HYDIN: variants seen among roughly 807,000 people sequenced by gnomAD.
HYDIN encodes HYDIN axonemal central pair apparatus protein, also known as axonemal central pair apparatus protein HYDIN.
HYDIN carries 132 observed loss-of-function variants against 403.9 expected under a neutral mutation model. The ratio of observed to expected loss-of-function variants is 0.33; its 90% CI spans 0.28 to 0.38. The LOEUF (loss-of-function observed/expected upper bound fraction) is 0.38, where lower values mean the gene tolerates loss of function less well. Among genes scored for constraint, HYDIN ranks in the 10% least tolerant of loss-of-function variants. The probability of loss-of-function intolerance (pLI) is 1.00; values close to 1 mark genes in which losing one functional copy is unlikely to be tolerated. For synonymous variants in HYDIN, 1,202 were observed against 1,891.7 expected (o/e 0.64, Z 9.46); for missense variants, 2,827 against 5,009.5 (o/e 0.56, Z 13.15).
chr16:71,162,200 A>C (rs908981982), intron 6 of HYDIN, among the ~76,000 whole-genome samples: 2 of 151,444 alleles, frequency 1.3e-5, no homozygotes, highest in Non-Finnish European at 2.9e-5. Flanking sequence ...ACAGAAAACT[A>C]ATCAAGCCAG....
intron 40 of HYDIN, 53 bp downstream of exon 40, chr16:70,955,322 C>T: frequency 5.9e-6 from 7 of 1,187,922 alleles, no homozygotes; most frequent in Non-Finnish European, 8.3e-6. Context: ...TGGGTGTTGT[C>T]AGTGGGGGTG....
chr16:71,221,116 A>C (rs1047871847), intron 1 of HYDIN, among the ~76,000 whole-genome samples: 7 of 152,104 alleles, frequency 4.6e-5, no homozygotes, highest in Admixed American at 6.5e-5. Flanking sequence ...GACCCATCAA[A>C]GGTGGGGAGA....
chr16:71,222,074 G>A (rs953586542), intron 1 of HYDIN, among the ~76,000 whole-genome samples: 1 of 152,036 alleles, frequency 6.6e-6, no homozygotes, highest in Admixed American at 6.6e-5. Context: ...GGCTCCACTG[G>A]AGTCTTTCTG....
intron 10 of HYDIN, among the ~76,000 whole-genome samples, chr16:71,095,114 C>A (rs866014520): frequency 1.4e-5 from 2 of 144,620 alleles, no homozygotes; most frequent in African/African-American, 5.2e-5. Context: ...TGAAAACACA[C>A]TAATCGCTTC....
At chr16:71,192,559 A>G (rs2087486928) in intron 1 of HYDIN, among the ~76,000 whole-genome samples, 1 of 152,134 alleles carries the variant, frequency 6.6e-6, no homozygotes, top group South Asian at 2.1e-4. Context: ...CTCACATGTA[A>G]CACCAGGAAT....
chr16:70,806,635 A>C lies in HYDIN; in HGVS notation c.*945T>G, dbSNP rs1196942936. ...CATTCCCAAGAGGCCATCTTCTTCC[A>C]GTCTCCTGCCCCTCTTGTAGGAGGG... is the stretch of plus-strand genomic sequence containing the variant. On this transcript the variant is annotated 3_prime_UTR_variant, in exon 86 of 86. Coordinates refer to ENST00000393567, the MANE Select transcript of HYDIN (RefSeq NM_001270974.2). Among the ~76,000 whole-genome samples the C allele has an allele frequency of 6.6e-6, 1 of 152,126 alleles. No homozygotes were observed. The highest frequency in any genetic ancestry group is 6.5e-5 in the Admixed American group (1 of 15,272).
intron 1 of HYDIN, among the ~76,000 whole-genome samples, chr16:71,187,349 C>T (rs763719695): frequency 6.6e-5 from 10 of 152,006 alleles, no homozygotes; most frequent in Admixed American, 1.3e-4. Flanking sequence ...GACAGAGATT[C>T]GAAATAGCAT....
At chr16:71,204,056 C>A in intron 1 of HYDIN, 1 of 209,912 alleles carries the variant, frequency 4.8e-6, no homozygotes, top group Non-Finnish European at 9.7e-6. Context: ...CAGAGTCAGA[C>A]TCTGTCTCAA....
intron 9 of HYDIN, among the ~76,000 whole-genome samples, chr16:71,117,955 AG>A (rs1490934441): frequency 6.6e-6 from 1 of 151,738 alleles, no homozygotes; most frequent in Non-Finnish European, 1.5e-5. Context: ...AATATTATGC[AG>A]GTATGATACC....
At chr16:71,019,542 C>A (rs1264768215) in intron 22 of HYDIN, among the ~76,000 whole-genome samples, 3 of 152,306 alleles carry the variant, frequency 2.0e-5, no homozygotes, top group African/African-American at 4.8e-5. Context: ...TAGGACCCAC[C>A]CTTGTAGATC....
intron 41 of HYDIN, among the ~76,000 whole-genome samples, chr16:70,950,844 C>A (rs1305511824): frequency 6.6e-6 from 1 of 152,182 alleles, no homozygotes; most frequent in African/African-American, 2.4e-5. Context: ...GCACCCTCAG[C>A]TCTCTTGCCC....
chr16:70,904,531 G>GTTTTTTTTT (rs1567802705), intron 50 of HYDIN, among the ~76,000 whole-genome samples: 22 of 22,756 alleles, frequency 9.7e-4, no homozygotes, highest in Non-Finnish European at 1.5e-3. Context: ...AGGGAGTTTC[G>GTTTTTTTTT]TTCTTGTTGC....
chr16:70,933,328 T>G (rs942627616), intron 45 of HYDIN, among the ~76,000 whole-genome samples: 1 of 149,278 alleles, frequency 6.7e-6, no homozygotes, highest in African/African-American at 2.5e-5. Context: ...GAAAGAAGGG[T>G]TGGGGAGGAA....
intron 6 of HYDIN, among the ~76,000 whole-genome samples, chr16:71,156,441 T>C (rs962997450): frequency 2.6e-5 from 4 of 152,072 alleles, no homozygotes; most frequent in African/African-American, 9.7e-5. Context: ...CTAGAAAATA[T>C]CAAGTATCAG....
intron 18 of HYDIN, among the ~76,000 whole-genome samples, chr16:71,036,748 C>T (rs1184957154): frequency 1.3e-5 from 2 of 151,536 alleles, no homozygotes; most frequent in Non-Finnish European, 2.9e-5. Context: ...GACAAAGACA[C>T]ATTAAAATGC....
intron 9 of HYDIN, among the ~76,000 whole-genome samples, chr16:71,117,501 T>C (rs2084086966): frequency 6.6e-6 from 1 of 152,162 alleles, no homozygotes; most frequent in Non-Finnish European, 1.5e-5. Context: ...GATGTTATTT[T>C]TGTGCTACTT....
At chr16:70,946,076 G>A (rs1567881941) in intron 41 of HYDIN, among the ~76,000 whole-genome samples, 1 of 149,176 alleles carries the variant, frequency 6.7e-6, no homozygotes, top group East Asian at 2.0e-4. Flanking sequence ...TAGGGGGAAA[G>A]TGGGAGAGAG....
At chr16:70,977,108 G>A (rs960452300) in intron 30 of HYDIN, among the ~76,000 whole-genome samples, 7 of 151,840 alleles carry the variant, frequency 4.6e-5, no homozygotes, top group Non-Finnish European at 8.8e-5. Context: ...GCTCTCCTAG[G>A]CTTTGATAAG....
chr16:71,033,858 G>A (rs1481403121), intron 18 of HYDIN, among the ~76,000 whole-genome samples: 1 of 151,418 alleles, frequency 6.6e-6, no homozygotes, highest in Non-Finnish European at 1.5e-5. Context: ...GTTTTATTTT[G>A]GGAAAGACAT....
Sources: gnomAD v4.1 joint callset for allele counts (sites outside exome capture counted in the v4.1 genomes callset) on GRCh38, gnomAD v4.1.1 for gene constraint, MANE v1.5 for transcripts, NCBI Gene and HGNC (gene_info 2026-07-23, HGNC 2026-07-21) for gene names.